Variants in ZDHHC11 observed in about 807,000 individuals in gnomAD.
ZDHHC11 encodes palmitoyltransferase ZDHHC11.
In ZDHHC11, 44 loss-of-function variants were observed where a neutral mutation model predicts 51.3. The ratio of observed to expected loss-of-function variants is 0.86; its 90% CI spans 0.67 to 1.10. The LOEUF is 1.10. Among genes scored for constraint, ZDHHC11 ranks in the 50% least tolerant of loss-of-function variants. The pLI, the probability that ZDHHC11 is intolerant of heterozygous loss-of-function variation, is 0.00. For missense variants in ZDHHC11, 400 were observed against 537.7 expected (o/e 0.74, Z 2.53); for synonymous variants, 163 against 222.0 (o/e 0.73, Z 2.36).
intron 11 of ZDHHC11, among the ~76,000 whole-genome samples, chr5:802,115 C>T (rs1254940523): frequency 2.0e-5 from 3 of 151,442 alleles, no homozygotes; most frequent in Non-Finnish European, 3.0e-5. Context: ...AGTGGATGCT[C>T]AGCTGGGCAG....
At chr5:811,683 C>T (rs1236247583) in intron 11 of ZDHHC11, among the ~76,000 whole-genome samples, 8 of 151,032 alleles carry the variant, frequency 5.3e-5, no homozygotes, top group Admixed American at 2.0e-4. Context: ...GAAACGCTAT[C>T]GGCCACTCTC....
chr5:827,776 G>T lies in ZDHHC11; in HGVS notation c.936-2525C>A, dbSNP rs1243067784. Among the ~76,000 whole-genome samples, 32 of 148,912 alleles carry T rather than the reference G, an allele frequency of 2.1e-4. 3 individuals are homozygous for T. Among genetic ancestry groups the T allele is most frequent in the Non-Finnish European group, 4.5e-4 (30 of 67,178 alleles). On this transcript the variant is annotated intron_variant, in intron 7 of 12. Coordinates refer to ENST00000283441, the MANE Select transcript of ZDHHC11 (RefSeq NM_024786.3). ...TTTTTTTTATTGATCATTCTTGGGT[G>T]TTTCTCACAGAGGGGGATTTGGCAG...
At chr5:813,392 T>C (rs1379056519) in intron 11 of ZDHHC11, among the ~76,000 whole-genome samples, 6 of 142,170 alleles carry the variant, frequency 4.2e-5, no homozygotes, top group African/African-American at 1.7e-4. Context: ...GTTGGGAGGA[T>C]GAGGCCAGCT....
intron 6 of ZDHHC11, among the ~76,000 whole-genome samples, chr5:834,410 A>G (rs1743509756): frequency 6.6e-6 from 1 of 152,286 alleles, no homozygotes; most frequent in South Asian, 2.1e-4. Context: ...CCTGGCCTCA[A>G]GCAATCCTCT....
chr5:805,756 G>A lies in ZDHHC11; in HGVS notation c.1182-4592C>T, dbSNP rs192081579. On this transcript the variant is annotated intron_variant, in intron 11 of 12. Coordinates refer to ENST00000283441, the MANE Select transcript of ZDHHC11 (RefSeq NM_024786.3). ...TTTTAATTAAAAGTCAGGGATTGGC[G>A]GATTGGATTTTTAAAAAGCTGAAGT... 6.2e-4 allele frequency among the ~76,000 whole-genome samples: 94 copies of A among 151,214 alleles called. No individual in the cohort carries two copies. In the East Asian group the frequency reaches 8.9e-3, roughly 14 times the overall value.
chr5:801,664 T>C (rs1046965898), intron 11 of ZDHHC11, among the ~76,000 whole-genome samples: 1 of 151,322 alleles, frequency 6.6e-6, no homozygotes, highest in East Asian at 1.9e-4. Context: ...CTTGATTGTT[T>C]ATGTGTGCTG....
At chr5:823,917 G>C (rs1741903883) in intron 8 of ZDHHC11, 1 of 386,694 alleles carries the variant, frequency 2.6e-6, no homozygotes, top group Non-Finnish European at 5.3e-6. Flanking sequence ...GCCAGGGTGG[G>C]CTGGGGGCTC....
chr5:799,759 C>G (rs1412975551), intron 12 of ZDHHC11, among the ~76,000 whole-genome samples: 1 of 151,684 alleles, frequency 6.6e-6, no homozygotes, highest in Non-Finnish European at 1.5e-5. Context: ...GTCCTCCATA[C>G]CACTGAGACA....
At chr5:801,989 T>G (rs1333371507) in intron 11 of ZDHHC11, among the ~76,000 whole-genome samples, 1 of 151,286 alleles carries the variant, frequency 6.6e-6, no homozygotes, top group Non-Finnish European at 1.5e-5. Flanking sequence ...CTTTCTTGGA[T>G]CAGAAATGAT....
intron 11 of ZDHHC11, among the ~76,000 whole-genome samples, chr5:812,889 T>G (rs1192605179): frequency 1.3e-5 from 2 of 150,246 alleles, no homozygotes; most frequent in Non-Finnish European, 3.0e-5. Context: ...GTCATGAGTG[T>G]AATCTATGCC....
At chr5:803,396 C>G (rs1366935483) in intron 11 of ZDHHC11, among the ~76,000 whole-genome samples, 2 of 151,152 alleles carry the variant, frequency 1.3e-5, no homozygotes, top group East Asian at 3.8e-4. Context: ...ACTAACTGGT[C>G]ATAGAGATAA....
At chr5:824,099 C>G (rs192911729) in intron 8 of ZDHHC11, 18 of 454,790 alleles carry the variant, frequency 4.0e-5, no homozygotes, top group South Asian at 2.6e-4. Flanking sequence ...TGGCCCTGCC[C>G]CCACAGGGAA....
In ZDHHC11 at chr5:840,651, C is replaced by T; in HGVS notation, c.629-1G>A. The T allele has an allele frequency of 6.2e-7, 1 of 1,613,742 alleles. No individual in the cohort carries two copies. The highest frequency in any genetic ancestry group is 1.7e-4 in the Middle Eastern group (1 of 6,056). On this transcript the variant is annotated splice_acceptor_variant, in intron 4 of 12. Coordinates refer to ENST00000283441, the MANE Select transcript of ZDHHC11 (RefSeq NM_024786.3). LOFTEE classifies it high-confidence loss of function. ...AGCCACGTGTTCATATTCTTGACAT[C>T]TGGGGAGACAAGGGAGAGCCACTGT...
intron 1 of ZDHHC11, among the ~76,000 whole-genome samples, chr5:849,067 C>T (rs1359789462): frequency 6.6e-6 from 1 of 151,876 alleles, no homozygotes; most frequent in Non-Finnish European, 1.5e-5. Context: ...CCTGCACACA[C>T]AGCCCTGCTC....
At chr5:849,207 G>A (rs1041134376) in intron 1 of ZDHHC11, among the ~76,000 whole-genome samples, 2 of 152,198 alleles carry the variant, frequency 1.3e-5, no homozygotes, top group African/African-American at 4.8e-5. Flanking sequence ...GGACCGGGAA[G>A]GCTGCCCCCG....
chr5:817,326 A>G (rs1385514507), intron 10 of ZDHHC11, among the ~76,000 whole-genome samples: 2 of 151,560 alleles, frequency 1.3e-5, no homozygotes, highest in African/African-American at 2.4e-5. Flanking sequence ...TTTAAGATTC[A>G]ATTTTAAAAA....
intron 12 of ZDHHC11, among the ~76,000 whole-genome samples, chr5:798,246 T>C (rs1174680642): frequency 6.6e-6 from 1 of 151,210 alleles, no homozygotes; most frequent in Non-Finnish European, 1.5e-5. Context: ...GTTGACCAGG[T>C]TTCACAAATG....
At chr5:802,863 A>AAAAAAAAAAAAAAAAAG in intron 11 of ZDHHC11, among the ~76,000 whole-genome samples, 1 of 124,424 alleles carries the variant, frequency 8.0e-6, no homozygotes, top group Non-Finnish European at 1.6e-5. Context: ...AAAAAAAAAA[A>AAAAAAAAAAAAAAAAAG]AAAAAAAAAA....
At chr5:857,952 T>A (rs968817633) in intron 1 of ZDHHC11, among the ~76,000 whole-genome samples, 3 of 125,592 alleles carry the variant, frequency 2.4e-5, no homozygotes, top group Non-Finnish European at 5.0e-5. Flanking sequence ...ACCAGGCCCC[T>A]AGAGTCTGTC....
Sources: allele counts gnomAD v4.1 joint callset (sites outside exome capture counted in the v4.1 genomes callset), GRCh38; gene constraint gnomAD v4.1.1; transcripts MANE v1.5; gene names NCBI Gene and HGNC (gene_info 2026-07-23, HGNC 2026-07-21).